Variants in MTCL1 observed in about 807,000 individuals in gnomAD.
MTCL1 encodes microtubule cross-linking factor 1.
In MTCL1, 79 loss-of-function variants were observed where a neutral mutation model predicts 141.4. That is an observed-to-expected ratio of 0.56 (90% CI 0.47 to 0.67). The LOEUF (loss-of-function observed/expected upper bound fraction) is 0.67. Ranked by LOEUF, MTCL1 falls within the 30% of genes least tolerant of loss-of-function variation. MTCL1 has a pLI of 0.00. For synonymous variants in MTCL1, 914 were observed against 875.8 expected, an observed-to-expected ratio of 1.04 and a Z score of -0.77; for missense variants, 2,177 against 2,113.9, an observed-to-expected ratio of 1.03 and a Z score of -0.59.
intron 4 of MTCL1, among the ~76,000 whole-genome samples, chr18:8,728,874 A>G (rs1330194396): frequency 6.6e-6 from 1 of 151,426 alleles, no homozygotes; most frequent in Non-Finnish European, 1.5e-5. Context: ...AGCTGGGATT[A>G]CAGGTGCACG....
exon 17 of MTCL1, chr18:8,832,472 A>G (rs2077214319): frequency 6.5e-6 from 1 of 153,286 alleles, no homozygotes. Flanking sequence ...CTTCGGGTGC[A>G]TGTATATACC....
chr18:8,808,100 C>T (rs1394306891), intron 11 of MTCL1, among the ~76,000 whole-genome samples: 1 of 152,090 alleles, frequency 6.6e-6, no homozygotes, highest in Non-Finnish European at 1.5e-5. Flanking sequence ...GAGCTGATAG[C>T]CCTGGGTGGG....
At chr18:8,796,512 C>T (rs1380829241) in intron 9 of MTCL1, 50 bp downstream of exon 8, 1 of 1,563,686 alleles carries the variant, frequency 6.4e-7, no homozygotes, top group Non-Finnish European at 8.8e-7. Context: ...TGTCCTTGAC[C>T]CCAGACACTG....
At chr18:8,713,032 A>T (rs2096103797), upstream of MTCL1, among the ~76,000 whole-genome samples, 1 of 152,222 alleles carries the variant, frequency 6.6e-6, no homozygotes, top group Admixed American at 6.5e-5. Flanking sequence ...TTTATTATAT[A>T]TTCATGGATA....
At position 8,822,865 on chromosome 18, in the gene MTCL1, CCAT is replaced by C. The variant is rs2076890682; in HGVS notation, c.3188+1370_3188+1372del. On this transcript the variant is annotated intron_variant, in intron 14 of 16. Transcript: ENST00000359865. This position sits in a 1 kb window ranked among gnomAD's most constrained non-coding sequence, Gnocchi z 4.6. ...GAGCAACTGTACTTCACCACTCAAG[CCAT>C]CAACTTTTATGCTTTCAAAAGTAAC... Among the ~76,000 whole-genome samples the C allele has an allele frequency of 6.6e-6, 1 of 152,092 alleles. No homozygotes were observed. The highest frequency in any genetic ancestry group is 2.4e-5 in the African/African-American group (1 of 41,398).
At chr18:8,797,150 T>C (rs2075954842) in intron 9 of MTCL1, among the ~76,000 whole-genome samples, 1 of 152,226 alleles carries the variant, frequency 6.6e-6, no homozygotes. Context: ...ATTGACGTTA[T>C]CACCCTGAGG....
At chr18:8,784,915 C>G (rs12962542) in intron 6 of MTCL1, 72 bp downstream of exon 5, 3 of 1,337,888 alleles carry the variant, frequency 2.2e-6, no homozygotes, top group Admixed American at 2.3e-5. Context: ...TTGCTGCACT[C>G]GGGCTCACGC....
At chr18:8,777,438 T>C (rs552394019) in intron 4 of MTCL1, among the ~76,000 whole-genome samples, 1 of 152,286 alleles carries the variant, frequency 6.6e-6, no homozygotes, top group Admixed American at 6.5e-5. Flanking sequence ...CAAAACATGA[T>C]TTGGAACGTG....
intron 4 of MTCL1, among the ~76,000 whole-genome samples, chr18:8,743,241 C>CG: frequency 6.6e-6 from 1 of 152,314 alleles, no homozygotes; most frequent in South Asian, 2.1e-4. Context: ...TATCCACATG[C>CG]AAATATATAA....
chr18:8,705,941 C>T lies in MTCL1; in HGVS notation c.281C>T (p.Pro94Leu), dbSNP rs1255903771. The change falls in exon 1 of 14, where the codon CCC (proline) becomes CTC (leucine). Residue 94 changes from proline to leucine, a missense_variant. Pro to Leu is a moderately conservative substitution (Grantham distance 98). Coordinates refer to the MTCL1 transcript ENST00000306329. This position sits in a 1 kb window ranked among gnomAD's most constrained non-coding sequence, Gnocchi z 5.2. ...CCCTCGCCGGGGTCCCTGGCCGCGC[C>T]CGGCCGCCTCTCTCGGCGCAGTGGC... is the stretch of plus-strand genomic sequence containing the variant. 14 of 1,093,438 alleles carry T rather than the reference C, an allele frequency of 1.3e-5. No individual in the cohort carries two copies. The South Asian group carries it at 5.6e-4, about 44-fold the overall frequency. 67.7% of individuals were successfully genotyped at this position (1,093,438 alleles called of 1,614,324 possible). A position where few individuals can be genotyped will look rare whatever the true frequency, so the allele number is the denominator to read the frequency against.
At chr18:8,794,487 A>G (rs2075845070) in intron 8 of MTCL1, among the ~76,000 whole-genome samples, 1 of 152,212 alleles carries the variant, frequency 6.6e-6, no homozygotes, top group South Asian at 2.1e-4. Flanking sequence ...AGGAGGGCCT[A>G]GGCGCGGTGC....
chr18:8,708,627 C>T (rs1178672951), intron 1 of MTCL1, among the ~76,000 whole-genome samples: 1 of 152,226 alleles, frequency 6.6e-6, no homozygotes, highest in African/African-American at 2.4e-5. Flanking sequence ...GGCTGCTTTC[C>T]TCCGAGCACA....
chr18:8,771,165 A>G (rs1312824575), intron 4 of MTCL1, among the ~76,000 whole-genome samples: 3 of 152,122 alleles, frequency 2.0e-5, no homozygotes, highest in South Asian at 2.1e-4. Context: ...AAATTATTTT[A>G]TATGATAGAG....
chr18:8,794,065 C>T (rs544925226), intron 8 of MTCL1, among the ~76,000 whole-genome samples: 2 of 152,330 alleles, frequency 1.3e-5, no homozygotes, highest in South Asian at 2.1e-4. Flanking sequence ...TCTACCACTA[C>T]ATGTATGACT....
At chr18:8,735,052 A>C (rs1445606508) in intron 4 of MTCL1, among the ~76,000 whole-genome samples, 3 of 152,216 alleles carry the variant, frequency 2.0e-5, no homozygotes, top group African/African-American at 7.2e-5. Flanking sequence ...ACCTCTGTCC[A>C]TCAAAGCCAA....
exon 17 of MTCL1, chr18:8,831,671 CA>C: frequency 6.4e-7 from 1 of 1,550,662 alleles, no homozygotes; most frequent in Non-Finnish European, 8.7e-7. Flanking sequence ...GAGAGACCAG[CA>C]AACCGTCGCC....
At chr18:8,789,203 A>T (rs1208811812) in intron 7 of MTCL1, among the ~76,000 whole-genome samples, 2 of 152,192 alleles carry the variant, frequency 1.3e-5, no homozygotes, top group Non-Finnish European at 2.9e-5. Context: ...TCACAATCCC[A>T]CGTGCCTCAG....
intron 11 of MTCL1, among the ~76,000 whole-genome samples, chr18:8,807,290 G>A (rs990173360): frequency 6.6e-6 from 1 of 152,180 alleles, no homozygotes; most frequent in African/African-American, 2.4e-5. Context: ...TTTCAGAGCA[G>A]CATGTATTCT....
chr18:8,720,656 C>T (rs1222628133), intron 4 of MTCL1, among the ~76,000 whole-genome samples, 160 bp downstream of exon 3: 8 of 152,082 alleles, frequency 5.3e-5, no homozygotes, highest in African/African-American at 1.7e-4. Context: ...TTTTTCCTAG[C>T]GTGGTAAACA....
Sources: gnomAD v4.1 joint callset for allele counts (sites outside exome capture counted in the v4.1 genomes callset) on GRCh38, gnomAD v4.1.1 for gene constraint, Gnocchi (gnomAD v3.1) non-coding constraint, MANE v1.5 for transcripts, NCBI Gene and HGNC (gene_info 2026-07-23, HGNC 2026-07-21) for gene names.